Variants in SLF2 observed in about 807,000 individuals in gnomAD.
SLF2 encodes SMC5-SMC6 complex localization factor protein 2.
A neutral mutation model predicts 124.3 loss-of-function variants in SLF2; 68 were observed. That is an observed-to-expected ratio of 0.55 (90% confidence interval 0.45 to 0.67). The LOEUF (loss-of-function observed/expected upper bound fraction) is 0.67. Ranked by LOEUF, SLF2 falls within the 30% of genes least tolerant of loss-of-function variation. The pLI, the probability that SLF2 is intolerant of heterozygous loss-of-function variation, is 0.00. For missense variants in SLF2, 1,246 were observed against 1,373.7 expected, an observed-to-expected ratio of 0.91 and a Z score of 1.47; for synonymous variants, 480 against 478.8, an observed-to-expected ratio of 1.00 and a Z score of -0.03.
At position 100,913,410 on chromosome 10, in the gene SLF2, T is replaced by C. The variant is rs899207686; in HGVS notation, c.140+160T>C. ...CCCCGCCCCGCCTCCGCGCAGGGGC[T>C]ACTGGGAGTTGGAGTTTGCTTCTCT... On this transcript the variant is annotated intron_variant, in intron 1 of 19. Coordinates refer to ENST00000238961, the MANE Select transcript of SLF2 (RefSeq NM_018121.4). 19 of 1,351,378 alleles carry C rather than the reference T, an allele frequency of 1.4e-5. No homozygotes were observed. In the East Asian group the frequency reaches 1.8e-4, roughly 13 times the overall value. 83.7% of individuals were successfully genotyped at this position (1,351,378 alleles called of 1,614,324 possible). A position where few individuals can be genotyped will look rare whatever the true frequency, so the allele number is the denominator to read the frequency against.
chr10:100,962,200 C>T lies in SLF2; in HGVS notation c.*288C>T, dbSNP rs1048388227. On this transcript the variant is annotated 3_prime_UTR_variant, in exon 20 of 20. Coordinates refer to ENST00000238961, the MANE Select transcript of SLF2 (RefSeq NM_018121.4). ...ATAATAGTCATATGTCTAACCTGCC[C>T]CAGTTAACTCCTCTTGTTAAATTAT... is the stretch of plus-strand genomic sequence containing the variant. 1.2e-5 allele frequency: 3 copies of T among 254,110 alleles called. No individual in the cohort carries two copies. The highest frequency in any genetic ancestry group is 1.4e-4 in the East Asian group (2 of 14,364). The allele number at this position is 254,110 out of a possible 1,614,324, so 15.7% of individuals were successfully genotyped here.
At position 100,918,373 on chromosome 10, in the gene SLF2, T is replaced by C. The variant is rs772624494; in HGVS notation, c.916-11T>C. 1 of 1,570,610 alleles carries C rather than the reference T, an allele frequency of 6.4e-7. No individual in the cohort carries two copies. The highest frequency in any genetic ancestry group is 1.2e-5 in the South Asian group (1 of 86,310). ...CAACACTTAATTAATTTTATCTCAT[T>C]GTGCTCATAGGAAAATGGACATCTC... On this transcript the variant is annotated splice_polypyrimidine_tract_variant and intron_variant, in intron 3 of 19. Transcript: ENST00000238961.
At chr10:100,948,761 G>A (rs1448807151) in intron 15 of SLF2, among the ~76,000 whole-genome samples, 7 of 151,634 alleles carry the variant, frequency 4.6e-5, no homozygotes, top group Admixed American at 6.6e-5. Flanking sequence ...TGGCGGACAC[G>A]TGTAGTCCCA....
intron 13 of SLF2, among the ~76,000 whole-genome samples, chr10:100,946,430 G>A (rs545330555): frequency 6.0e-5 from 9 of 151,006 alleles, no homozygotes; most frequent in East Asian, 3.9e-4. Flanking sequence ...GGATTCAGGC[G>A]ATTCTCATTC....
intron 4 of SLF2, among the ~76,000 whole-genome samples, chr10:100,918,948 T>G (rs1849473894): frequency 6.6e-6 from 1 of 150,746 alleles, no homozygotes; most frequent in African/African-American, 2.4e-5. Flanking sequence ...ATGTTTCTCA[T>G]ACTGGTATTC....
rs1849576942 is a variant in SLF2, at chr10:100,924,518, C to T, written c.1517C>T (p.Ser506Phe). ...LPVSKKDKER[S>F]SSKECSGHST... ...GTTTCTAAAAAAGATAAAGAGCGTT[C>T]CTCATCTAAAGAATGTTCTGGGCAT... The change falls in exon 5 of 20, where the codon TCC becomes TTC. Residue 506 changes from serine to phenylalanine, a missense_variant. This residue lies in a region of SLF2 where 698 missense variants were observed against 708.9 expected (regional missense o/e 0.98). Coordinates refer to ENST00000238961, the MANE Select transcript of SLF2 (RefSeq NM_018121.4). 1 of 1,614,096 alleles carries T rather than the reference C, an allele frequency of 6.2e-7. No homozygotes were observed. The highest frequency in any genetic ancestry group is 8.5e-7 in the Non-Finnish European group (1 of 1,180,034).
intron 18 of SLF2, among the ~76,000 whole-genome samples, 177 bp from the exon 19 acceptor site, chr10:100,959,251 A>G (rs987161823): frequency 2.6e-5 from 4 of 152,238 alleles, no homozygotes; most frequent in Admixed American, 6.5e-5. Flanking sequence ...ATTAATTTCT[A>G]TGATTTGAAA....
chr10:100,925,786 C>G (rs1380250895), intron 5 of SLF2, among the ~76,000 whole-genome samples, 163 bp from the exon 6 acceptor site: 1 of 152,156 alleles, frequency 6.6e-6, no homozygotes, highest in African/African-American at 2.4e-5. Context: ...GTGCAAAATA[C>G]TAGATTTAAA....
chr10:100,930,600 C>G (rs1416423877), intron 8 of SLF2, among the ~76,000 whole-genome samples: 1 of 152,188 alleles, frequency 6.6e-6, no homozygotes, highest in Non-Finnish European at 1.5e-5. Flanking sequence ...TAATCTCCAC[C>G]ACAGTGCCCA....
At chr10:100,945,289 AC>A in intron 12 of SLF2, 40 bp from the exon 13 acceptor site, 1 of 1,453,298 alleles carries the variant, frequency 6.9e-7, no homozygotes, top group South Asian at 1.4e-5. Context: ...AGTAAAATAT[AC>A]CTCCTAAAAT....
Position 100,923,956 on chromosome 10 carries a change from A to T in SLF2, c.974-19A>T. The T allele has an allele frequency of 6.7e-7, 1 of 1,485,130 alleles. No individual in the cohort carries two copies. The highest frequency in any genetic ancestry group is 1.4e-5 in the African/African-American group (1 of 71,120). 92.0% of individuals were successfully genotyped at this position (1,485,130 alleles called of 1,614,324 possible). A position where few individuals can be genotyped will look rare whatever the true frequency, so the allele number is the denominator to read the frequency against. ...TGGAAAGTATATTTTTCACTAATCTAACAAAAATTAAATTTTAGCAGGCTC... is the reference window on the plus strand; with the variant it reads ...TGGAAAGTATATTTTTCACTAATCTTACAAAAATTAAATTTTAGCAGGCTC... On this transcript the variant is annotated intron_variant, in intron 4 of 19. Coordinates refer to ENST00000238961, the MANE Select transcript of SLF2 (RefSeq NM_018121.4).
At chr10:100,920,297 T>G (rs1396564645) in intron 4 of SLF2, among the ~76,000 whole-genome samples, 3 of 152,218 alleles carry the variant, frequency 2.0e-5, no homozygotes, top group Non-Finnish European at 2.9e-5. Flanking sequence ...TTCTTTTTTC[T>G]CTGACTTAAG....
At chr10:100,959,699 G>A (rs962445520) in intron 19 of SLF2, 1 of 974,012 alleles carries the variant, frequency 1.0e-6, no homozygotes, top group African/African-American at 1.7e-5. Context: ...TCCAGAAGTG[G>A]TTGAGCCCAT....
intron 1 of SLF2, among the ~76,000 whole-genome samples, chr10:100,914,859 A>T (rs1176100744): frequency 1.3e-5 from 2 of 152,204 alleles, no homozygotes; most frequent in Non-Finnish European, 2.9e-5. Flanking sequence ...ACCTTCAAGA[A>T]ACTTGGATTG....
chr10:100,928,771 G>A (rs1348336493), intron 6 of SLF2, among the ~76,000 whole-genome samples: 1 of 152,198 alleles, frequency 6.6e-6, no homozygotes, highest in Non-Finnish European at 1.5e-5. Context: ...TGGAGTTGTT[G>A]TAAGGGTTAA....
chr10:100,928,045 CCA>C (rs1214543662), intron 6 of SLF2, among the ~76,000 whole-genome samples: 6 of 13,274 alleles, frequency 4.5e-4, no homozygotes, highest in African/African-American at 9.6e-4. Context: ...CCCCCCCCCC[CCA>C]CACACACACA....
chr10:100,915,402 A>G (rs1269743092), intron 1 of SLF2, among the ~76,000 whole-genome samples: 1 of 152,138 alleles, frequency 6.6e-6, no homozygotes, highest in Admixed American at 6.6e-5. Context: ...CTTGTCCAGC[A>G]AACTCCTCTT....
At chr10:100,933,158 A>G (rs1264822066) in intron 9 of SLF2, among the ~76,000 whole-genome samples, 3 of 152,176 alleles carry the variant, frequency 2.0e-5, no homozygotes, top group South Asian at 2.1e-4. Flanking sequence ...TTATTCTCTA[A>G]TTGTGTATAT....
intron 9 of SLF2, among the ~76,000 whole-genome samples, chr10:100,937,165 C>T (rs946361454): frequency 1.3e-5 from 2 of 152,074 alleles, no homozygotes; most frequent in East Asian, 3.8e-4. Flanking sequence ...TGTGCGCCAC[C>T]ACACCTGGCT....
Sources: gnomAD v4.1 joint callset for allele counts (sites outside exome capture counted in the v4.1 genomes callset) on GRCh38, gnomAD v4.1.1 for gene constraint, gnomAD v4.1.1 regional missense constraint, MANE v1.5 for transcripts, NCBI Gene and HGNC (gene_info 2026-07-23, HGNC 2026-07-21) for gene names.